The following UGT2A1 variants were observed in gnomAD, a reference collection of about 807,000 sequenced individuals.
UGT2A1 encodes the protein UDP glucuronosyltransferase family 2 member A1 complex locus.
In UGT2A1, 61 loss-of-function variants were observed where a neutral mutation model predicts 45.4. That is an observed-to-expected ratio of 1.34 (90% CI 1.09 to 1.66). The LOEUF is 1.66. Among genes scored for constraint, UGT2A1 ranks in the 40% most tolerant of loss-of-function variants. UGT2A1 has a pLI of 0.00. For missense variants in UGT2A1, 649 were observed against 574.3 expected, an observed-to-expected ratio of 1.13 and a Z score of -1.33; for synonymous variants, 229 against 196.2, an observed-to-expected ratio of 1.17 and a Z score of -1.40.
chr4:69,594,462 A>T lies in UGT2A1; in HGVS notation c.1304+15T>A, dbSNP rs1560466378. 6.2e-7 allele frequency: 1 copy of T among 1,608,498 alleles called. No homozygotes were observed. Among genetic ancestry groups the T allele is most frequent in the Non-Finnish European group, 8.5e-7 (1 of 1,178,132 alleles). On this transcript the variant is annotated intron_variant, in intron 6 of 6. Coordinates refer to ENST00000286604, the MANE Select transcript of UGT2A1 (RefSeq NM_001252275.3). ...AATTAAAGTTAGGCAAGTTTTTAGG[A>T]GCCTTAGTACTTACGAAGGTTCATT...
rs141599714 is a variant in UGT2A1 at position 69,621,291 on chromosome 4, C to G, written c.847+14400G>C. Among the ~76,000 whole-genome samples, 74 of 152,000 alleles carry G rather than the reference C, an allele frequency of 4.9e-4. 1 individual carries two copies. The highest frequency in any genetic ancestry group is 1.5e-3 in the African/African-American group (64 of 41,496). ...ATCCAGTATTTACAGGGAATTTAAA[C>G]AAACTTACAAGAAAGAAACAACCTC... On this transcript the variant is annotated intron_variant, in intron 3 of 6. Coordinates refer to ENST00000286604, the MANE Select transcript of UGT2A1 (RefSeq NM_001252275.3).
At chr4:69,623,695 G>T (rs1243934877) in intron 3 of UGT2A1, among the ~76,000 whole-genome samples, 1 of 151,134 alleles carries the variant, frequency 6.6e-6, no homozygotes, top group African/African-American at 2.4e-5. Flanking sequence ...TCTTCAGATG[G>T]CTATCAAATA....
At chr4:69,596,533 AT>A (rs576089392) in intron 4 of UGT2A1, 1,830 of 1,174,152 alleles carry the variant, frequency 1.6e-3, no homozygotes, top group South Asian at 2.9e-3. Flanking sequence ...TAGTTTCTAT[AT>A]TTTTTTTTGG....
intron 6 of UGT2A1, 146 bp downstream of exon 6, chr4:69,594,331 G>A: frequency 8.8e-7 from 1 of 1,135,350 alleles, no homozygotes; most frequent in Non-Finnish European, 1.2e-6. Context: ...CACTTTAGCA[G>A]TTTGGCAAAT....
intron 3 of UGT2A1, among the ~76,000 whole-genome samples, chr4:69,606,325 CAT>C (rs1299032214): frequency 1.5e-5 from 2 of 136,440 alleles, no homozygotes; most frequent in African/African-American, 6.0e-5. Flanking sequence ...ACAAAAACCA[CAT>C]GATTATCTCA....
At chr4:69,618,926 C>G (rs1720573214) in intron 3 of UGT2A1, among the ~76,000 whole-genome samples, 1 of 151,722 alleles carries the variant, frequency 6.6e-6, no homozygotes, top group Admixed American at 6.6e-5. Context: ...TTTTTAAAAA[C>G]TCAGGATCAA....
intron 2 of UGT2A1, among the ~76,000 whole-genome samples, chr4:69,641,658 A>C (rs1722058241): frequency 6.6e-6 from 1 of 151,892 alleles, no homozygotes; most frequent in Non-Finnish European, 1.5e-5. Flanking sequence ...TGCTAAACAG[A>C]AACAGTATAT....
chr4:69,616,240 G>A (rs1055356000), intron 3 of UGT2A1, among the ~76,000 whole-genome samples: 6 of 151,810 alleles, frequency 4.0e-5, no homozygotes, highest in African/African-American at 9.7e-5. Context: ...AAGGTCTTGG[G>A]GGGTGGGGAG....
chr4:69,599,205 T>C, intron 4 of UGT2A1, 41 bp downstream of exon 4: 4 of 1,559,278 alleles, frequency 2.6e-6, no homozygotes, highest in Non-Finnish European at 3.5e-6. Context: ...TTAAGTATTT[T>C]ATTATGAAGA....
intron 5 of UGT2A1, 119 bp downstream of exon 5, chr4:69,595,043 A>G: frequency 7.3e-7 from 1 of 1,369,560 alleles, no homozygotes; most frequent in Admixed American, 2.0e-5. Flanking sequence ...TCTGCTTTAA[A>G]ATTGAGTGTC....
rs556690445 is a variant in UGT2A1 at position 69,633,627 on chromosome 4, G to A, written c.847+2064C>T. Among the ~76,000 whole-genome samples, 11 of 152,300 alleles carry A rather than the reference G, an allele frequency of 7.2e-5. No homozygotes were observed. In the South Asian group the frequency reaches 2.3e-3, roughly 32 times the overall value. The stretch of plus-strand genomic sequence containing the variant: ...CCATATAGCTATAAGAATGAGCACA[G>A]CATATCTACATGCAACAACTTGTAC... On this transcript the variant is annotated intron_variant, in intron 3 of 6. Coordinates refer to ENST00000286604, the MANE Select transcript of UGT2A1 (RefSeq NM_001252275.3).
chr4:69,627,047 G>A (rs926012867), intron 3 of UGT2A1, among the ~76,000 whole-genome samples: 1 of 151,800 alleles, frequency 6.6e-6, no homozygotes, highest in African/African-American at 2.4e-5. Flanking sequence ...AACTCAAGAT[G>A]TATATTATAG....
intron 2 of UGT2A1, among the ~76,000 whole-genome samples, chr4:69,645,525 G>A (rs1722216378): frequency 6.6e-6 from 1 of 151,642 alleles, no homozygotes; most frequent in South Asian, 2.1e-4. Context: ...GTGTTGCTAG[G>A]TAGTCTCATA....
chr4:69,596,403 T>C, intron 4 of UGT2A1: 1 of 1,542,600 alleles, frequency 6.5e-7, no homozygotes, highest in Non-Finnish European at 8.8e-7. Flanking sequence ...ATATATTTTC[T>C]ATTACAAAGG....
intron 3 of UGT2A1, among the ~76,000 whole-genome samples, chr4:69,600,134 C>T (rs561355263): frequency 1.3e-5 from 2 of 152,144 alleles, no homozygotes; most frequent in Non-Finnish European, 1.5e-5. Flanking sequence ...CATGAGTCCC[C>T]AGAGTGTGAG....
At chr4:69,595,336 A>T (rs1017582911) in intron 4 of UGT2A1, 87 bp from the exon 5 acceptor site, 5 of 1,484,082 alleles carry the variant, frequency 3.4e-6, no homozygotes, top group Admixed American at 1.9e-5. Context: ...TCATTTAGCC[A>T]GCTACTTGGA....
At chr4:69,631,875 C>T (rs1320727421) in intron 3 of UGT2A1, among the ~76,000 whole-genome samples, 1 of 152,018 alleles carries the variant, frequency 6.6e-6, no homozygotes, top group East Asian at 1.9e-4. Flanking sequence ...CACAAGGCTA[C>T]CACTTCACAC....
intron 2 of UGT2A1, chr4:69,638,882 G>C: frequency 1.3e-6 from 2 of 1,540,246 alleles, no homozygotes; most frequent in Non-Finnish European, 1.7e-6. Context: ...ATTAAAAAGA[G>C]AAAATTTTAG....
At chr4:69,597,864 C>T (rs930882454) in intron 4 of UGT2A1, among the ~76,000 whole-genome samples, 6 of 151,914 alleles carry the variant, frequency 3.9e-5, no homozygotes, top group Non-Finnish European at 8.8e-5. Context: ...GCAATATAAC[C>T]CATGGTTGGT....
Sources: allele counts gnomAD v4.1 joint callset (sites outside exome capture counted in the v4.1 genomes callset), GRCh38; gene constraint gnomAD v4.1.1; transcripts MANE v1.5; gene names NCBI Gene and HGNC (gene_info 2026-07-23, HGNC 2026-07-21).